Variants in TAX1BP1 observed in about 807,000 individuals in gnomAD.
The protein encoded by TAX1BP1 is Tax1 binding protein 1, also known as tax1-binding protein 1.
A neutral mutation model predicts 97.7 loss-of-function variants in TAX1BP1; 62 were observed. That is an observed-to-expected ratio of 0.63 (90% CI 0.52 to 0.78). TAX1BP1 has a LOEUF of 0.78. Ranked by LOEUF, TAX1BP1 falls within the 30% of genes least tolerant of loss-of-function variation. The probability of loss-of-function intolerance (pLI) is 0.00; values close to 1 mark genes in which losing one functional copy is unlikely to be tolerated. For missense variants in TAX1BP1, 867 were observed against 916.1 expected, an observed-to-expected ratio of 0.95 and a Z score of 0.69; for synonymous variants, 340 against 304.2, an observed-to-expected ratio of 1.12 and a Z score of -1.23.
At chr7:27,821,476 C>CA (rs1201415681) in intron 15 of TAX1BP1, among the ~76,000 whole-genome samples, 3 of 151,160 alleles carry the variant, frequency 2.0e-5, no homozygotes, top group Non-Finnish European at 3.0e-5. Context: ...ACTAAAAATA[C>CA]AAAAAAAATT....
chr7:27,762,932 G>A (rs963036734), intron 3 of TAX1BP1, among the ~76,000 whole-genome samples: 1 of 152,164 alleles, frequency 6.6e-6, no homozygotes, highest in African/African-American at 2.4e-5. Context: ...CAGACTTGGC[G>A]ACAGAGTGAG....
intron 15 of TAX1BP1, among the ~76,000 whole-genome samples, chr7:27,820,807 A>G (rs1353935072): frequency 2.6e-5 from 4 of 152,240 alleles, no homozygotes; most frequent in African/African-American, 7.2e-5. Flanking sequence ...TTTCTTAGAT[A>G]TGACACCAAC....
At chr7:27,794,256 G>C in intron 10 of TAX1BP1, 67 bp from the exon 11 acceptor site, 2 of 1,325,694 alleles carry the variant, frequency 1.5e-6, no homozygotes, top group Non-Finnish European at 2.1e-6. Context: ...TATTTACTTA[G>C]TTACTGCAAG....
In TAX1BP1 at chr7:27,828,864, T is replaced by TAAAAAA. The variant is rs34270007; in HGVS notation, c.*47_*52dup. 4.7e-5 allele frequency: 46 copies of TAAAAAA among 988,910 alleles called. No individual in the cohort carries two copies. The highest frequency in any genetic ancestry group is 5.1e-5 in the Non-Finnish European group (36 of 705,286). 61.3% of individuals were successfully genotyped at this position (988,910 alleles called of 1,614,324 possible). A position where few individuals can be genotyped will look rare whatever the true frequency, so the allele number is the denominator to read the frequency against. ...ATTATGAGTTAATATAGTTTAGCAG[T>TAAAAAA]AAAAAAAAAAAAAAAAACCACACCT... is the stretch of plus-strand genomic sequence containing the variant. On this transcript the variant is annotated 3_prime_UTR_variant, in exon 17 of 17. Coordinates refer to ENST00000396319, the MANE Select transcript of TAX1BP1 (RefSeq NM_006024.7).
chr7:27,757,300 T>C lies in TAX1BP1; in HGVS notation c.163-731T>C, dbSNP rs143821639. Among the ~76,000 whole-genome samples, 1,044 of 152,210 alleles carry C rather than the reference T, an allele frequency of 6.9e-3. 10 individuals are homozygous for C. Among genetic ancestry groups the C allele is most frequent in the African/African-American group, 0.024 (978 of 41,552 alleles). ...GATTGAGGTATGTATATATTCATGT[T>C]GTAAGTAGAAAATGTGTTAGCATTA... is the stretch of plus-strand genomic sequence containing the variant. On this transcript the variant is annotated intron_variant, in intron 2 of 16. Transcript: ENST00000396319.
intron 7 of TAX1BP1, among the ~76,000 whole-genome samples, chr7:27,787,057 C>G (rs187756765): frequency 6.6e-6 from 1 of 152,174 alleles, no homozygotes; most frequent in Non-Finnish European, 1.5e-5. Context: ...AGAGTCTTGT[C>G]GTGCCAGATT....
At chr7:27,821,280 A>G (rs1790963434) in intron 15 of TAX1BP1, among the ~76,000 whole-genome samples, 1 of 152,204 alleles carries the variant, frequency 6.6e-6, no homozygotes, top group Admixed American at 6.6e-5. Flanking sequence ...AGTTTAAAGA[A>G]ATGTGTTTGT....
chr7:27,800,171 G>A (rs1790078515), intron 13 of TAX1BP1, 81 bp downstream of exon 13: 1 of 1,278,246 alleles, frequency 7.8e-7, no homozygotes, highest in Non-Finnish European at 1.0e-6. Context: ...TCAATCTAAT[G>A]TACATTTTAA....
At chr7:27,767,407 C>G (rs1266157616) in intron 4 of TAX1BP1, among the ~76,000 whole-genome samples, 1 of 152,016 alleles carries the variant, frequency 6.6e-6, no homozygotes, top group Non-Finnish European at 1.5e-5. Flanking sequence ...AGATAGAATA[C>G]TTTTATTAGA....
intron 2 of TAX1BP1, among the ~76,000 whole-genome samples, chr7:27,748,891 G>C (rs909481970): frequency 6.6e-6 from 1 of 152,096 alleles, no homozygotes; most frequent in Admixed American, 6.5e-5. Context: ...TGATCAGAAA[G>C]TTTACCTTCA....
intron 13 of TAX1BP1, among the ~76,000 whole-genome samples, chr7:27,813,689 C>T (rs1412577989): frequency 6.6e-6 from 1 of 152,018 alleles, no homozygotes; most frequent in East Asian, 1.9e-4. Context: ...AGGCTTGTCT[C>T]AAACAGGCAA....
At chr7:27,821,865 A>C (rs1583410878) in intron 15 of TAX1BP1, among the ~76,000 whole-genome samples, 1 of 152,180 alleles carries the variant, frequency 6.6e-6, no homozygotes, top group Non-Finnish European at 1.5e-5. Context: ...GGAAACCCTC[A>C]GTCCACTTTG....
intron 12 of TAX1BP1, among the ~76,000 whole-genome samples, chr7:27,797,206 C>G (rs1462835760): frequency 6.6e-6 from 1 of 151,892 alleles, no homozygotes; most frequent in African/African-American, 2.4e-5. Context: ...ACGATGTTAG[C>G]TAGGATGGTC....
At chr7:27,823,739 A>G (rs1364640039) in intron 15 of TAX1BP1, among the ~76,000 whole-genome samples, 1 of 152,196 alleles carries the variant, frequency 6.6e-6, no homozygotes, top group Non-Finnish European at 1.5e-5. Context: ...TTCATCTTGT[A>G]AAACTGAACT....
At chr7:27,759,606 AT>A (rs1018023019) in intron 3 of TAX1BP1, among the ~76,000 whole-genome samples, 1 of 151,986 alleles carries the variant, frequency 6.6e-6, no homozygotes, top group Admixed American at 6.6e-5. Context: ...AAAAAAAAAA[AT>A]TCTAGGACTT....
chr7:27,823,049 AAT>A (rs1791037144), intron 15 of TAX1BP1, among the ~76,000 whole-genome samples: 1 of 152,190 alleles, frequency 6.6e-6, no homozygotes, highest in Non-Finnish European at 1.5e-5. Flanking sequence ...TTTGAAAACT[AAT>A]AGAGATTTGC....
At chr7:27,794,589 G>A (rs1789850015) in intron 11 of TAX1BP1, 143 bp downstream of exon 11, 17 of 834,146 alleles carry the variant, frequency 2.0e-5, no homozygotes, top group South Asian at 7.9e-5. Flanking sequence ...AGAAAATAAG[G>A]GTATAAATGT....
At chr7:27,795,101 GAA>G (rs1166521314) in intron 11 of TAX1BP1, among the ~76,000 whole-genome samples, 2 of 152,258 alleles carry the variant, frequency 1.3e-5, no homozygotes, top group Non-Finnish European at 2.9e-5. Context: ...AAATACTAGA[GAA>G]AGTATATTTT....
chr7:27,794,839 G>GA (rs1250672091), intron 11 of TAX1BP1, among the ~76,000 whole-genome samples: 104 of 152,068 alleles, frequency 6.8e-4, no homozygotes, highest in African/African-American at 2.3e-3. Context: ...TTCTGCAGGG[G>GA]AAAAAATCCC....
Sources: allele counts gnomAD v4.1 joint callset (sites outside exome capture counted in the v4.1 genomes callset), GRCh38; gene constraint gnomAD v4.1.1; transcripts MANE v1.5; gene names NCBI Gene and HGNC (gene_info 2026-07-23, HGNC 2026-07-21).